The following PLCB1 variants were observed in gnomAD, a reference collection of about 807,000 sequenced individuals.
The protein encoded by PLCB1 is phospholipase C beta 1, also known as 1-phosphatidylinositol 4,5-bisphosphate phosphodiesterase beta-1.
PLCB1 carries 46 observed loss-of-function variants against 161.8 expected under a neutral mutation model. That is an observed-to-expected ratio of 0.28 (90% CI 0.22 to 0.36). The LOEUF is 0.36. PLCB1 is among the 10% of genes least tolerant of loss of function. PLCB1 has a pLI of 1.00. For missense variants in PLCB1, 1,016 were observed against 1,472.5 expected, an observed-to-expected ratio of 0.69 and a Z score of 5.07; for synonymous variants, 517 against 503.7, an observed-to-expected ratio of 1.03 and a Z score of -0.35.
intron 1 of PLCB1, among the ~76,000 whole-genome samples, chr20:8,134,013 G>A (rs2051318441): frequency 6.6e-6 from 1 of 152,190 alleles, no homozygotes; most frequent in South Asian, 2.1e-4. Flanking sequence ...AAGCGCAAAC[G>A]GAACTTGGAG....
chr20:8,743,626 C>G (rs965041362), intron 23 of PLCB1, among the ~76,000 whole-genome samples: 5 of 152,094 alleles, frequency 3.3e-5, no homozygotes, highest in African/African-American at 7.2e-5. Context: ...AACATGTGCT[C>G]AAGAATCCTC....
At chr20:8,198,052 G>A (rs961717892) in intron 2 of PLCB1, among the ~76,000 whole-genome samples, 9 of 152,068 alleles carry the variant, frequency 5.9e-5, no homozygotes, top group Non-Finnish European at 1.2e-4. Context: ...ATGCTGTTTT[G>A]GTTACTGTAG....
chr20:8,657,076 A>T, intron 7 of PLCB1, 108 bp from the exon 8 acceptor site: 2 of 695,238 alleles, frequency 2.9e-6, no homozygotes, highest in Non-Finnish European at 5.2e-6. Context: ...AGGTGAGGGA[A>T]GGGGGGAAGA....
chr20:8,334,334 G>C (rs1443236788), intron 2 of PLCB1, among the ~76,000 whole-genome samples: 2 of 152,210 alleles, frequency 1.3e-5, no homozygotes, highest in African/African-American at 4.8e-5. Context: ...CTGTAACTGA[G>C]AATAATATCA....
At chr20:8,878,738 ATTT>A (rs1324900416) in intron 31 of PLCB1, among the ~76,000 whole-genome samples, 1 of 151,324 alleles carries the variant, frequency 6.6e-6, no homozygotes, top group African/African-American at 2.4e-5. Context: ...ATTTTTATTT[ATTT>A]TTATTTTTCT....
intron 2 of PLCB1, among the ~76,000 whole-genome samples, chr20:8,192,789 A>G (rs1227162451): frequency 2.0e-5 from 3 of 151,982 alleles, no homozygotes; most frequent in African/African-American, 7.2e-5. Context: ...ATAAAAATAT[A>G]TAACTGCAGA....
At chr20:8,285,596 T>G (rs1403322685) in intron 2 of PLCB1, among the ~76,000 whole-genome samples, 1 of 152,170 alleles carries the variant, frequency 6.6e-6, no homozygotes, top group Non-Finnish European at 1.5e-5. Context: ...TTTAACTTTC[T>G]GTTTGGACTG....
At chr20:8,191,042 TAGAGA>T in intron 2 of PLCB1, among the ~76,000 whole-genome samples, 1 of 152,180 alleles carries the variant, frequency 6.6e-6, no homozygotes, top group African/African-American at 2.4e-5. Flanking sequence ...ACAACCTCAT[TAGAGA>T]AGAGTATATA....
At chr20:8,451,273 A>G (rs956392728) in intron 3 of PLCB1, among the ~76,000 whole-genome samples, 49 of 152,342 alleles carry the variant, frequency 3.2e-4, no homozygotes, top group African/African-American at 1.1e-3. Context: ...GGAAAAAATA[A>G]CAATTTGCAT....
chr20:8,328,094 G>T (rs1482408809), intron 2 of PLCB1, among the ~76,000 whole-genome samples: 1 of 151,926 alleles, frequency 6.6e-6, no homozygotes, highest in Non-Finnish European at 1.5e-5. Flanking sequence ...ACATTATACT[G>T]GTTGAGAATC....
At chr20:8,400,017 G>A (rs1978478351) in intron 3 of PLCB1, among the ~76,000 whole-genome samples, 1 of 152,084 alleles carries the variant, frequency 6.6e-6, no homozygotes, top group African/African-American at 2.4e-5. Context: ...AAGCCTGTGG[G>A]AACAGATTAA....
chr20:8,602,634 A>T (rs1987626992), intron 3 of PLCB1, among the ~76,000 whole-genome samples: 1 of 152,222 alleles, frequency 6.6e-6, no homozygotes, highest in African/African-American at 2.4e-5. Context: ...AGTGCTTAAA[A>T]GTGTTCAAAA....
chr20:8,228,630 C>G, intron 2 of PLCB1, among the ~76,000 whole-genome samples: 1 of 152,084 alleles, frequency 6.6e-6, no homozygotes, highest in East Asian at 1.9e-4. Context: ...ACCTCAGCCT[C>G]CCACAGAATA....
chr20:8,661,630 T>C (rs1313400899), intron 9 of PLCB1, among the ~76,000 whole-genome samples: 1 of 152,004 alleles, frequency 6.6e-6, no homozygotes, highest in Admixed American at 6.6e-5. Flanking sequence ...AAAAACGGAC[T>C]CATGATAGCT....
Position 8,435,841 on chromosome 20 carries a change from G to A in PLCB1, c.246+64391G>A, listed in dbSNP as rs1174106036. ...CAGAGATCATTTTTTCAAGGAAGTT[G>A]TGACTAAGCACCATTTGAAATATCA... On this transcript the variant is annotated intron_variant, in intron 3 of 31. Transcript: ENST00000338037. Among the ~76,000 whole-genome samples the A allele has an allele frequency of 4.5e-4, 68 of 152,130 alleles. 1 individual carries two copies. The highest frequency in any genetic ancestry group is 4.5e-3 in the Admixed American group (68 of 15,272).
At chr20:8,426,270 T>C (rs1429470154) in intron 3 of PLCB1, among the ~76,000 whole-genome samples, 2 of 152,182 alleles carry the variant, frequency 1.3e-5, no homozygotes, top group African/African-American at 4.8e-5. Flanking sequence ...CTAAAATCAA[T>C]CATAATCCTA....
At chr20:8,312,563 G>A (rs1984455568) in intron 2 of PLCB1, among the ~76,000 whole-genome samples, 1 of 152,124 alleles carries the variant, frequency 6.6e-6, no homozygotes, top group Admixed American at 6.6e-5. Flanking sequence ...GCTACTGCAT[G>A]CGGTGCTTGG....
At chr20:8,204,742 G>C (rs148540680) in intron 2 of PLCB1, among the ~76,000 whole-genome samples, 2,532 of 152,132 alleles carry the variant, frequency 0.017, 33 homozygotes, top group Non-Finnish European at 0.026. Flanking sequence ...AAAATACCCA[G>C]TCTCAGGTAT....
chr20:8,524,229 A>G (rs1250497094), intron 3 of PLCB1, among the ~76,000 whole-genome samples: 2 of 152,208 alleles, frequency 1.3e-5, no homozygotes, highest in African/African-American at 2.4e-5. Context: ...TTGAAGAAAA[A>G]TAAACATTTA....
Sources: allele counts gnomAD v4.1 joint callset (sites outside exome capture counted in the v4.1 genomes callset), GRCh38; gene constraint gnomAD v4.1.1; transcripts MANE v1.5; gene names NCBI Gene and HGNC (gene_info 2026-07-23, HGNC 2026-07-21).